FILIP1: variants seen among roughly 807,000 people sequenced by gnomAD.
FILIP1 encodes the protein filamin A interacting protein 1.
A neutral mutation model predicts 102.1 loss-of-function variants in FILIP1; 61 were observed. That is an observed-to-expected ratio of 0.60 (90% CI 0.49 to 0.74). FILIP1 has a LOEUF of 0.74. Among genes scored for constraint, FILIP1 ranks in the 30% least tolerant of loss-of-function variants. The pLI, the probability that FILIP1 is intolerant of heterozygous loss-of-function variation, is 0.00. For synonymous variants in FILIP1, 491 were observed against 526.9 expected (o/e 0.93, Z 0.93); for missense variants, 1,314 against 1,441.2 (o/e 0.91, Z 1.43).
intron 2 of FILIP1, among the ~76,000 whole-genome samples, chr6:75,389,397 A>G (rs550331660): frequency 1.3e-5 from 2 of 152,192 alleles, no homozygotes. Context: ...AAAATGAGTT[A>G]CGAAGGAGTC....
intron 6 of FILIP1, among the ~76,000 whole-genome samples, chr6:75,302,182 G>C (rs1772855798): frequency 1.3e-5 from 2 of 152,116 alleles, no homozygotes; most frequent in South Asian, 4.1e-4. Context: ...CAGGACTCCT[G>C]GCTGTTTTGC....
At chr6:75,383,877 C>T (rs1001553964) in intron 2 of FILIP1, among the ~76,000 whole-genome samples, 8 of 152,110 alleles carry the variant, frequency 5.3e-5, no homozygotes, top group African/African-American at 1.9e-4. Flanking sequence ...ATCAGGCAAC[C>T]TAACTTCAGA....
chr6:75,335,038 T>C (rs1367932654), intron 4 of FILIP1, among the ~76,000 whole-genome samples: 2 of 152,078 alleles, frequency 1.3e-5, no homozygotes, highest in Non-Finnish European at 2.9e-5. Context: ...AAGATATGCA[T>C]AAAATGTCAA....
intron 1 of FILIP1, among the ~76,000 whole-genome samples, chr6:75,471,435 T>C (rs2149764429): frequency 6.6e-6 from 1 of 152,224 alleles, no homozygotes; most frequent in South Asian, 2.1e-4. Context: ...GCACTCAACC[T>C]CACTGTGATG....
At chr6:75,298,925 A>T (rs900877361) in intron 6 of FILIP1, among the ~76,000 whole-genome samples, 1 of 152,192 alleles carries the variant, frequency 6.6e-6, no homozygotes, top group Non-Finnish European at 1.5e-5. Context: ...CTCAAAAAAA[A>T]ATATTGCTTT....
At chr6:75,329,541 C>G (rs536535604) in intron 4 of FILIP1, among the ~76,000 whole-genome samples, 1 of 152,172 alleles carries the variant, frequency 6.6e-6, no homozygotes, top group African/African-American at 2.4e-5. Context: ...CCCTTGGGTA[C>G]GCCTCTCTGT....
At chr6:75,489,717 T>C (rs1455875249) in intron 1 of FILIP1, among the ~76,000 whole-genome samples, 1 of 152,104 alleles carries the variant, frequency 6.6e-6, no homozygotes, top group Non-Finnish European at 1.5e-5. Flanking sequence ...TAACCTTTTC[T>C]GACTCCTCTT....
intron 1 of FILIP1, among the ~76,000 whole-genome samples, chr6:75,466,732 T>C (rs1422550424): frequency 1.3e-5 from 2 of 152,248 alleles, no homozygotes; most frequent in Non-Finnish European, 2.9e-5. Context: ...AGAACTAGTC[T>C]GTATCTGTGC....
intron 2 of FILIP1, 134 bp downstream of exon 2, chr6:75,414,563 G>A: frequency 1.2e-6 from 1 of 852,470 alleles, no homozygotes; most frequent in Non-Finnish European, 1.8e-6. Context: ...CAGGCACTAG[G>A]GATTTAGAAA....
intron 2 of FILIP1, among the ~76,000 whole-genome samples, chr6:75,400,563 C>T (rs1776621911): frequency 6.6e-6 from 1 of 152,168 alleles, no homozygotes; most frequent in Non-Finnish European, 1.5e-5. Flanking sequence ...AAAGGTGACC[C>T]AAATATTTCA....
intron 1 of FILIP1, among the ~76,000 whole-genome samples, chr6:75,452,267 C>G (rs1778659395): frequency 6.6e-6 from 1 of 151,906 alleles, no homozygotes; most frequent in Non-Finnish European, 1.5e-5. Context: ...CTTGCCCCCA[C>G]CCCACAACAG....
intron 2 of FILIP1, among the ~76,000 whole-genome samples, chr6:75,403,524 A>AAAAAAAAAAAAAG (rs55907855): frequency 1.3e-4 from 18 of 134,724 alleles, no homozygotes; most frequent in East Asian, 2.1e-4. Context: ...CAAAAAAAAA[A>AAAAAAAAAAAAAG]AAAAAAGAAA....
At chr6:75,372,948 A>G (rs1298230742) in intron 2 of FILIP1, among the ~76,000 whole-genome samples, 2 of 152,188 alleles carry the variant, frequency 1.3e-5, no homozygotes, top group African/African-American at 2.4e-5. Context: ...ATCCCAAAAG[A>G]ATCAAAAGCA....
intron 2 of FILIP1, among the ~76,000 whole-genome samples, chr6:75,409,958 A>T (rs1411417218): frequency 6.6e-6 from 1 of 152,118 alleles, no homozygotes; most frequent in African/African-American, 2.4e-5. Flanking sequence ...AATTATCCAT[A>T]AGACCTTAGC....
chr6:75,411,664 A>T (rs1057199131), intron 2 of FILIP1, among the ~76,000 whole-genome samples: 4 of 152,206 alleles, frequency 2.6e-5, no homozygotes, highest in Non-Finnish European at 4.4e-5. Context: ...ACCATTTATT[A>T]AAAAGGAAAT....
chr6:75,296,740 T>C (rs2842445), intron 6 of FILIP1: 60,670 of 150,964 alleles, frequency 0.4, 12,276 homozygotes, highest in East Asian at 0.55. Flanking sequence ...CCTCGTGATC[T>C]GCCCGCCTCA....
chr6:75,350,840 G>T (rs984313990), intron 4 of FILIP1, among the ~76,000 whole-genome samples: 37 of 152,188 alleles, frequency 2.4e-4, no homozygotes, highest in African/African-American at 8.9e-4. Context: ...ACAAGGTAAT[G>T]AGAAATAATT....
At chr6:75,439,995 C>T (rs2149718505) in intron 1 of FILIP1, among the ~76,000 whole-genome samples, 1 of 152,244 alleles carries the variant, frequency 6.6e-6, no homozygotes, top group Admixed American at 6.5e-5. Flanking sequence ...TTTGCATGAC[C>T]ACATATTATT....
At chr6:75,310,350 A>T (rs1325726354) in intron 5 of FILIP1, among the ~76,000 whole-genome samples, 1 of 152,260 alleles carries the variant, frequency 6.6e-6, no homozygotes, top group Non-Finnish European at 1.5e-5. Flanking sequence ...CTGAGTCAAG[A>T]ACTTCTACAG....
Sources: allele counts gnomAD v4.1 joint callset (sites outside exome capture counted in the v4.1 genomes callset), GRCh38; gene constraint gnomAD v4.1.1; transcripts MANE v1.5; gene names NCBI Gene and HGNC (gene_info 2026-07-23, HGNC 2026-07-21).